The following CFAP299 variants were observed in gnomAD, a reference collection of about 807,000 sequenced individuals.
CFAP299 encodes the protein cilia and flagella associated protein 299, also known as cilia- and flagella-associated protein 299.
In CFAP299, 21 loss-of-function variants were observed where a neutral mutation model predicts 27.0. The observed-to-expected ratio is 0.78, with a 90% CI of 0.55 to 1.12. The LOEUF (loss-of-function observed/expected upper bound fraction) is 1.12, where lower values mean the gene tolerates loss of function less well. Among genes scored for constraint, CFAP299 ranks in the 50% most tolerant of loss-of-function variants. The pLI is 0.00. For missense variants in CFAP299, 310 were observed against 276.6 expected (o/e 1.12, Z -0.86); for synonymous variants, 104 against 98.1 (o/e 1.06, Z -0.36).
Position 80,383,272 on chromosome 4 carries a change from TATC to T in CFAP299, c.242+20390_242+20392del, listed in dbSNP as rs367676292. Among the ~76,000 whole-genome samples, 214 of 152,164 alleles carry T rather than the reference TATC, an allele frequency of 1.4e-3. 1 individual carries two copies. The South Asian group carries it at 0.026, about 19-fold the overall frequency. On this transcript the variant is annotated intron_variant, in intron 2 of 5. Transcript: ENST00000358105. ...TACCTGGGTGACAGAATAATCTGTA[TATC>T]AGACCCCTGTGACATAAGTTTACTT...
intron 2 of CFAP299, among the ~76,000 whole-genome samples, chr4:80,397,461 T>G (rs1278791193): frequency 1.3e-5 from 2 of 152,194 alleles, no homozygotes; most frequent in Non-Finnish European, 2.9e-5. Flanking sequence ...CTAGTTCTTT[T>G]AATTGTGATG....
At chr4:80,936,199 A>G (rs1736879585) in intron 4 of CFAP299, among the ~76,000 whole-genome samples, 2 of 152,100 alleles carry the variant, frequency 1.3e-5, no homozygotes, top group Non-Finnish European at 2.9e-5. Context: ...TGGGAGTGTA[A>G]ATTAGTTCAA....
chr4:80,486,739 T>C (rs181122973), intron 2 of CFAP299, among the ~76,000 whole-genome samples: 1 of 152,340 alleles, frequency 6.6e-6, no homozygotes, highest in African/African-American at 2.4e-5. Flanking sequence ...ATATGACCAA[T>C]GCCTCTGCCT....
chr4:80,563,138 T>C (rs544355177), intron 2 of CFAP299, among the ~76,000 whole-genome samples: 24 of 152,012 alleles, frequency 1.6e-4, no homozygotes, highest in Non-Finnish European at 3.5e-4. Context: ...GGATAGATCA[T>C]CCAGATAGAA....
chr4:80,666,980 C>T (rs533462195), intron 3 of CFAP299, among the ~76,000 whole-genome samples: 70 of 152,306 alleles, frequency 4.6e-4, no homozygotes, highest in African/African-American at 1.7e-3. Context: ...TGCTTTTGTT[C>T]ACCTAAGGAT....
chr4:80,713,460 C>T (rs1722293222), intron 3 of CFAP299, among the ~76,000 whole-genome samples: 1 of 152,174 alleles, frequency 6.6e-6, no homozygotes, highest in Non-Finnish European at 1.5e-5. Flanking sequence ...AAATAAATTG[C>T]TTTCTATAAT....
intron 3 of CFAP299, among the ~76,000 whole-genome samples, chr4:80,724,722 A>G (rs1578061317): frequency 1.3e-5 from 2 of 150,524 alleles, no homozygotes; most frequent in South Asian, 4.2e-4. Context: ...ATACTCTACC[A>G]CCTCCAATAA....
rs113120512 is a variant in CFAP299 at position 80,756,033 on chromosome 4, T to G, written c.334-113960T>G. Reference sequence around the variant, plus strand: ...TTGGACCCCTCATTTTCCATCAAAATATAATCTTTTCAATGTCCATCAATA... The same window carrying G: ...TTGGACCCCTCATTTTCCATCAAAAGATAATCTTTTCAATGTCCATCAATA... On this transcript the variant is annotated intron_variant, in intron 3 of 5. Transcript: ENST00000358105. 3.3e-5 allele frequency among the ~76,000 whole-genome samples: 5 copies of G among 152,256 alleles called. 1 individual carries two copies. Among genetic ancestry groups the G allele is most frequent in the African/African-American group, 1.2e-4 (5 of 41,576 alleles).
chr4:80,383,635 C>T (rs1724821325), intron 2 of CFAP299, among the ~76,000 whole-genome samples: 1 of 152,106 alleles, frequency 6.6e-6, no homozygotes. Context: ...ATAGTCTTGA[C>T]ATTATCACAA....
At position 80,781,754 on chromosome 4, in the gene CFAP299, A is replaced by G. The variant is rs1400240444; in HGVS notation, c.334-88239A>G. Among the ~76,000 whole-genome samples, 7 of 151,990 alleles carry G rather than the reference A, an allele frequency of 4.6e-5. No individual in the cohort carries two copies. In the Admixed American group the frequency reaches 4.6e-4, roughly 10 times the overall value. ...GGAGAAAATGACCAGATTACATAGGACAGGGGTATAATTTAGGATAAAGGA... is the reference window on the plus strand; with the variant it reads ...GGAGAAAATGACCAGATTACATAGGGCAGGGGTATAATTTAGGATAAAGGA... On this transcript the variant is annotated intron_variant, in intron 3 of 5. Transcript: ENST00000358105.
chr4:80,652,272 A>G (rs541313474), intron 3 of CFAP299, among the ~76,000 whole-genome samples: 7 of 152,282 alleles, frequency 4.6e-5, no homozygotes, highest in Middle Eastern at 3.4e-3. Context: ...TCGCTGCATG[A>G]GGTAAAATTT....
chr4:80,784,761 G>C (rs541042904), intron 3 of CFAP299, among the ~76,000 whole-genome samples: 1 of 152,238 alleles, frequency 6.6e-6, no homozygotes, highest in South Asian at 2.1e-4. Flanking sequence ...GACCTCAGAT[G>C]ATCTGTGCGC....
intron 2 of CFAP299, among the ~76,000 whole-genome samples, chr4:80,414,073 T>C (rs12501057): frequency 7.9e-6 from 1 of 125,834 alleles, no homozygotes. Context: ...TCTTTTTTTT[T>C]TTTTTTTTTT....
intron 3 of CFAP299, among the ~76,000 whole-genome samples, chr4:80,658,528 T>A (rs1274098430): frequency 1.3e-5 from 2 of 152,186 alleles, no homozygotes; most frequent in African/African-American, 4.8e-5. Flanking sequence ...ATGTTATGGA[T>A]TACATTTATT....
chr4:80,449,916 G>T (rs2110095489), intron 2 of CFAP299, among the ~76,000 whole-genome samples: 1 of 152,166 alleles, frequency 6.6e-6, no homozygotes, highest in East Asian at 1.9e-4. Context: ...TTCACAAGAT[G>T]AAATTCATCA....
In CFAP299 at chr4:80,358,001, T is replaced by G. The variant is rs556676917; in HGVS notation, c.112-4753T>G. Among the ~76,000 whole-genome samples, 47 of 152,288 alleles carry G rather than the reference T, an allele frequency of 3.1e-4. 1 individual carries two copies. In the South Asian group the frequency reaches 9.5e-3, roughly 31 times the overall value. On this transcript the variant is annotated intron_variant, in intron 1 of 5. Transcript: ENST00000358105. ...GTGCTATAAATTTCCCTCTTGACACTGTCTTAGTTGTGTCCCAGAGATTCT... is the reference window on the plus strand; with the variant it reads ...GTGCTATAAATTTCCCTCTTGACACGGTCTTAGTTGTGTCCCAGAGATTCT...
intron 2 of CFAP299, among the ~76,000 whole-genome samples, chr4:80,570,480 A>G (rs1197423356): frequency 6.6e-6 from 1 of 152,106 alleles, no homozygotes; most frequent in Non-Finnish European, 1.5e-5. Context: ...AGCATTTTGC[A>G]TGAGAGGAAA....
intron 2 of CFAP299, among the ~76,000 whole-genome samples, chr4:80,378,393 T>C (rs989062894): frequency 1.3e-5 from 2 of 152,174 alleles, no homozygotes; most frequent in African/African-American, 4.8e-5. Context: ...TTTGTATGCT[T>C]TTATTATTAT....
chr4:80,799,180 T>A (rs1365015235), intron 3 of CFAP299, among the ~76,000 whole-genome samples: 1 of 121,648 alleles, frequency 8.2e-6, no homozygotes, highest in African/African-American at 3.2e-5. Context: ...ATATATATTG[T>A]ATAAATATAT....
Sources: allele counts gnomAD v4.1 joint callset (sites outside exome capture counted in the v4.1 genomes callset), GRCh38; gene constraint gnomAD v4.1.1; transcripts MANE v1.5; gene names NCBI Gene and HGNC (gene_info 2026-07-23, HGNC 2026-07-21).